GSK3B: variants seen among roughly 807,000 people sequenced by gnomAD.
GSK3B encodes glycogen synthase kinase 3 beta.
In GSK3B, 15 loss-of-function variants were observed where a neutral mutation model predicts 56.4. The ratio of observed to expected loss-of-function variants is 0.27; its 90% CI spans 0.18 to 0.41. GSK3B has a LOEUF of 0.41. GSK3B is among the 10% of genes least tolerant of loss of function. The pLI, the probability that GSK3B is intolerant of heterozygous loss-of-function variation, is 1.00. For missense variants in GSK3B, 300 were observed against 513.4 expected, an observed-to-expected ratio of 0.58 and a Z score of 4.02; for synonymous variants, 181 against 188.9, an observed-to-expected ratio of 0.96 and a Z score of 0.34.
intron 1 of GSK3B, among the ~76,000 whole-genome samples, chr3:120,023,346 T>C (rs1485471966): frequency 6.6e-6 from 1 of 150,926 alleles, no homozygotes; most frequent in East Asian, 1.9e-4. Flanking sequence ...CTAAATTCCA[T>C]GTACTTTCAT....
At chr3:120,010,690 T>C (rs2057770870) in intron 1 of GSK3B, among the ~76,000 whole-genome samples, 2 of 152,272 alleles carry the variant, frequency 1.3e-5, no homozygotes, top group African/African-American at 4.8e-5. Flanking sequence ...TGGTGGCACA[T>C]GCCTGTAAGT....
intron 4 of GSK3B, among the ~76,000 whole-genome samples, chr3:119,917,746 ATCTAC>A (rs1276653114): frequency 6.6e-5 from 10 of 151,680 alleles, no homozygotes; most frequent in Admixed American, 3.9e-4. Flanking sequence ...CATCTGAAAG[ATCTAC>A]TCTATCTTCA....
chr3:119,953,187 A>G (rs1425746521), intron 2 of GSK3B, among the ~76,000 whole-genome samples: 1 of 152,324 alleles, frequency 6.6e-6, no homozygotes, highest in African/African-American at 2.4e-5. Flanking sequence ...GCAACCACTA[A>G]GAAAATAATT....
intron 7 of GSK3B, among the ~76,000 whole-genome samples, chr3:119,905,374 G>A (rs56114552): frequency 0.091 from 13,873 of 152,012 alleles, 779 homozygotes; most frequent in Non-Finnish European, 0.12. Flanking sequence ...TATCTCCTAT[G>A]TGCTCCACAG....
At position 119,899,011 on chromosome 3, in the gene GSK3B, C is replaced by A. The variant is rs369886005; in HGVS notation, c.813+6744G>T. 9.9e-5 allele frequency among the ~76,000 whole-genome samples: 15 copies of A among 152,168 alleles called. 1 individual carries two copies. The East Asian group carries it at 2.3e-3, about 24-fold the overall frequency. On this transcript the variant is annotated intron_variant, in intron 7 of 10. Transcript: ENST00000264235. ...GAATTACACAGGCCTTGTGACATAG[C>A]CTTAGTCTACTAATGATCTTCTGAC...
rs536736870 is a variant in GSK3B, at chr3:119,962,113, C to A, written c.283-14762G>T. Among the ~76,000 whole-genome samples the A allele has an allele frequency of 5.3e-5, 8 of 152,290 alleles. No homozygotes were observed. The South Asian group carries it at 1.7e-3, about 32-fold the overall frequency. On this transcript the variant is annotated intron_variant, in intron 2 of 10. Coordinates refer to ENST00000264235, the MANE Select transcript of GSK3B (RefSeq NM_001146156.2). ...CATAACTGCTGGGCATGGTGGCCCA[C>A]CCCTGTAATCTCAGCACTTTGGGAG...
chr3:120,027,134 G>A (rs1442144802), intron 1 of GSK3B, among the ~76,000 whole-genome samples: 1 of 151,502 alleles, frequency 6.6e-6, no homozygotes, highest in African/African-American at 2.4e-5. Flanking sequence ...CAGCACTTTG[G>A]GAGGCCAAGA....
chr3:119,916,183 G>C lies in GSK3B; in HGVS notation c.478-9C>G, dbSNP rs202231397. The stretch of plus-strand genomic sequence containing the variant: ...AGCTGATACATATACAACTGGAATA[G>C]ATAGTAGAAATTAATTAAATACTTC... On this transcript the variant is annotated splice_polypyrimidine_tract_variant and intron_variant, in intron 4 of 10. Transcript: ENST00000264235. The C allele has an allele frequency of 3.1e-5, 49 of 1,583,542 alleles. No homozygotes were observed. The highest frequency in any genetic ancestry group is 4.0e-5 in the Non-Finnish European group (46 of 1,153,348).
chr3:119,907,851 T>TG (rs2056698403), intron 6 of GSK3B, among the ~76,000 whole-genome samples: 1 of 152,176 alleles, frequency 6.6e-6, no homozygotes, highest in Admixed American at 6.5e-5. Context: ...ACCACTCTCT[T>TG]GAATAACTGT....
chr3:119,827,004 A>T lies in GSK3B; in HGVS notation c.1196-149T>A, dbSNP rs72548711. The T allele has an allele frequency of 9.7e-4, 587 of 607,136 alleles. 5 individuals carry two copies. Among genetic ancestry groups the T allele is most frequent in the African/African-American group, 9.0e-3 (489 of 54,322 alleles). 37.6% of individuals were successfully genotyped at this position (607,136 alleles called of 1,614,324 possible). A position where few individuals can be genotyped will look rare whatever the true frequency, so the allele number is the denominator to read the frequency against. ...GTTTTAAATAAGGCCAACACTATGA[A>T]ATCTGAATTTCTCTATTCTTGGATT... On this transcript the variant is annotated intron_variant, in intron 10 of 10. Coordinates refer to ENST00000264235, the MANE Select transcript of GSK3B (RefSeq NM_001146156.2).
Position 119,821,881 on chromosome 3 carries a change from A to AT in GSK3B, c.*4906dup. 1 of 173,808 alleles carries AT rather than the reference A, an allele frequency of 5.8e-6. No individual in the cohort carries two copies. Among genetic ancestry groups the AT allele is most frequent in the Non-Finnish European group, 1.2e-5 (1 of 80,344 alleles). The allele number at this position is 173,808 out of a possible 1,614,324, so 10.8% of individuals were successfully genotyped here. On this transcript the variant is annotated 3_prime_UTR_variant, in exon 11 of 11. Coordinates refer to ENST00000264235, the MANE Select transcript of GSK3B (RefSeq NM_001146156.2). ...GGAATGGAAATGGTGATGTGACTAC[A>AT]TATTGCAGCGGCAAAATAGTAGGGT...
chr3:120,026,432 T>G (rs1300961175), intron 1 of GSK3B, among the ~76,000 whole-genome samples: 1 of 151,610 alleles, frequency 6.6e-6, no homozygotes, highest in Non-Finnish European at 1.5e-5. Flanking sequence ...AAGGATTTAT[T>G]ACCGCAAGGG....
chr3:119,917,725 C>T (rs948265510), intron 4 of GSK3B, among the ~76,000 whole-genome samples: 4 of 149,506 alleles, frequency 2.7e-5, no homozygotes, highest in African/African-American at 9.9e-5. Flanking sequence ...TGTCTTTTTA[C>T]TGTATTCTTT....
chr3:119,833,232 A>G (rs1345854738), intron 10 of GSK3B, among the ~76,000 whole-genome samples: 1 of 151,276 alleles, frequency 6.6e-6, no homozygotes, highest in African/African-American at 2.4e-5. Flanking sequence ...CTCCATTTAC[A>G]CCTACTGCCA....
At position 119,826,781 on chromosome 3, in the gene GSK3B, G is replaced by A. The variant is rs546174832; in HGVS notation, c.*7C>T. On this transcript the variant is annotated 3_prime_UTR_variant, in exon 11 of 11. Coordinates refer to ENST00000264235, the MANE Select transcript of GSK3B (RefSeq NM_001146156.2). ...TTTTTCCTGTGCAGCTGGCTGCTCG[G>A]GACTGTTCAGGTGGAGTTGGAAGCT... 6.2e-7 allele frequency: 1 copy of A among 1,602,006 alleles called. No homozygotes were observed.
At chr3:119,853,886 T>C (rs112311279) in intron 9 of GSK3B, among the ~76,000 whole-genome samples, 10 of 142,660 alleles carry the variant, frequency 7.0e-5, no homozygotes, top group Admixed American at 2.7e-4. Flanking sequence ...TTTGACCCCC[T>C]GTTTTCCTAA....
chr3:119,865,341 G>T (rs989182969), intron 8 of GSK3B, among the ~76,000 whole-genome samples: 1 of 148,796 alleles, frequency 6.7e-6, no homozygotes, highest in Non-Finnish European at 1.5e-5. Context: ...ATGTAGGATG[G>T]CTGGATGCTG....
chr3:120,072,090 T>C (rs746761848), intron 1 of GSK3B, among the ~76,000 whole-genome samples: 13 of 152,176 alleles, frequency 8.5e-5, no homozygotes, highest in South Asian at 2.1e-4. Context: ...CTGCAGACAA[T>C]AGGCATGGCA....
intron 7 of GSK3B, among the ~76,000 whole-genome samples, 161 bp downstream of exon 7, chr3:119,905,594 G>T (rs188258863): frequency 1.5e-3 from 235 of 152,158 alleles, no homozygotes; most frequent in Middle Eastern, 3.4e-3. Flanking sequence ...CAAAAGGCTG[G>T]GGGGGCGTTC....
Sources: gnomAD v4.1 joint callset for allele counts (sites outside exome capture counted in the v4.1 genomes callset) on GRCh38, gnomAD v4.1.1 for gene constraint, MANE v1.5 for transcripts, NCBI Gene and HGNC (gene_info 2026-07-23, HGNC 2026-07-21) for gene names.